The following CNTNAP2 variants were observed in gnomAD, a reference collection of about 807,000 sequenced individuals.
The protein encoded by CNTNAP2 is contactin associated protein 2, also known as contactin-associated protein-like 2.
Under a neutral mutation model 155.2 loss-of-function variants are expected in CNTNAP2, and 98 were observed. The ratio of observed to expected loss-of-function variants is 0.63; its 90% CI spans 0.54 to 0.75. The LOEUF (loss-of-function observed/expected upper bound fraction) is 0.75. CNTNAP2 is among the 30% of genes least tolerant of loss of function. The pLI is 0.00. For missense variants in CNTNAP2, 1,727 were observed against 1,688.1 expected (o/e 1.02, Z -0.40); for synonymous variants, 651 against 631.2 (o/e 1.03, Z -0.47).
chr7:146,710,296 T>C (rs759177844), intron 1 of CNTNAP2, among the ~76,000 whole-genome samples: 25 of 152,184 alleles, frequency 1.6e-4, no homozygotes, highest in Non-Finnish European at 2.9e-4. Flanking sequence ...AAGGGAACTG[T>C]AGTGTTGCTG....
chr7:147,329,406 T>C (rs148412854), intron 9 of CNTNAP2, among the ~76,000 whole-genome samples: 3 of 152,078 alleles, frequency 2.0e-5, no homozygotes, highest in African/African-American at 7.2e-5. Flanking sequence ...TACATTCTTA[T>C]AATTTATAAG....
chr7:148,243,199 T>C (rs1056479928), intron 20 of CNTNAP2, among the ~76,000 whole-genome samples: 1 of 152,140 alleles, frequency 6.6e-6, no homozygotes, highest in African/African-American at 2.4e-5. Context: ...ACTCCACCGA[T>C]CTGACTCCTG....
intron 12 of CNTNAP2, among the ~76,000 whole-genome samples, chr7:147,609,463 G>A (rs775419985): frequency 3.3e-5 from 5 of 152,010 alleles, no homozygotes; most frequent in Non-Finnish European, 5.9e-5. Flanking sequence ...CCTGGGAGGC[G>A]GAACTTGCAG....
intron 12 of CNTNAP2, among the ~76,000 whole-genome samples, chr7:147,591,505 T>A (rs1285991233): frequency 6.6e-6 from 1 of 152,140 alleles, no homozygotes; most frequent in East Asian, 1.9e-4. Context: ...GACTTCCACA[T>A]ATAAATTTTG....
At chr7:148,127,165 C>T (rs1013003655) in intron 16 of CNTNAP2, among the ~76,000 whole-genome samples, 12 of 152,028 alleles carry the variant, frequency 7.9e-5, no homozygotes, top group African/African-American at 2.9e-4. Context: ...ATTAGCTGGG[C>T]GTGGTGGCAC....
At chr7:146,940,707 A>T (rs550808666) in intron 3 of CNTNAP2, among the ~76,000 whole-genome samples, 12 of 151,838 alleles carry the variant, frequency 7.9e-5, no homozygotes, top group Middle Eastern at 3.4e-3. Context: ...ACACACACAC[A>T]CACACACACA....
At position 147,252,973 on chromosome 7, in the gene CNTNAP2, C is replaced by A. The variant is rs558295317; in HGVS notation, c.1349-47168C>A. Among the ~76,000 whole-genome samples the A allele has an allele frequency of 3.9e-5, 6 of 152,266 alleles. No individual in the cohort carries two copies. In the South Asian group the frequency reaches 1.0e-3, roughly 26 times the overall value. ...TGCCTCTTGTGTTCAACAAACAATT[C>A]ACTAGTTGATATCCTGTCATTCCAC... On this transcript the variant is annotated intron_variant, in intron 8 of 23. Transcript: ENST00000361727.
chr7:147,133,483 A>G (rs10266913), intron 8 of CNTNAP2, among the ~76,000 whole-genome samples: 60,248 of 151,712 alleles, frequency 0.4, 12,937 homozygotes, highest in East Asian at 0.64. Context: ...CCCTATGCAT[A>G]TACCTGACAC....
intron 16 of CNTNAP2, among the ~76,000 whole-genome samples, chr7:148,123,235 A>C (rs2116616597): frequency 6.6e-6 from 1 of 152,294 alleles, no homozygotes; most frequent in Non-Finnish European, 1.5e-5. Flanking sequence ...ATTGCCCAAA[A>C]CAAATGTGTA....
intron 10 of CNTNAP2, among the ~76,000 whole-genome samples, chr7:147,482,222 A>C (rs1427979180): frequency 1.3e-5 from 2 of 152,188 alleles, no homozygotes; most frequent in South Asian, 4.1e-4. Flanking sequence ...AGTTCTGTGG[A>C]AATACAGAAG....
In CNTNAP2 at chr7:147,462,144, C is replaced by T. The variant is rs557923530; in HGVS notation, c.1671-23791C>T. Reference sequence around the variant, plus strand: ...ATCCACCCTGCAAACTCAGCTCAAGCACCACATCTAAAGAGATTCCAGAAG... The same window carrying T: ...ATCCACCCTGCAAACTCAGCTCAAGTACCACATCTAAAGAGATTCCAGAAG... On this transcript the variant is annotated intron_variant, in intron 10 of 23. Transcript: ENST00000361727. 5.9e-5 allele frequency among the ~76,000 whole-genome samples: 9 copies of T among 152,242 alleles called. No homozygotes were observed. In the East Asian group the frequency reaches 1.4e-3, roughly 23 times the overall value.
At chr7:147,247,673 T>C (rs1804096689) in intron 8 of CNTNAP2, among the ~76,000 whole-genome samples, 1 of 152,154 alleles carries the variant, frequency 6.6e-6, no homozygotes, top group Non-Finnish European at 1.5e-5. Flanking sequence ...AAAATCTGAG[T>C]CCTTTAAAAG....
At chr7:148,032,094 G>A (rs988907432) in intron 15 of CNTNAP2, among the ~76,000 whole-genome samples, 1 of 152,136 alleles carries the variant, frequency 6.6e-6, no homozygotes, top group Admixed American at 6.6e-5. Context: ...GAATTAATGT[G>A]CCTCCCTAAA....
chr7:146,326,717 T>A (rs1218776221), intron 1 of CNTNAP2, among the ~76,000 whole-genome samples: 1 of 152,178 alleles, frequency 6.6e-6, no homozygotes, highest in Non-Finnish European at 1.5e-5. Flanking sequence ...GACTTTTTAT[T>A]TTAAATTATG....
chr7:147,899,306 C>T lies in CNTNAP2; in HGVS notation c.2099-4259C>T, dbSNP rs796366953. On this transcript the variant is annotated intron_variant, in intron 13 of 23. Transcript: ENST00000361727. ...AGTGAGTTATGATTGCTCCACTGCA[C>T]TCCAGCCTGGGTGACAGAGTGAGAC... 5.9e-5 allele frequency among the ~76,000 whole-genome samples: 9 copies of T among 152,240 alleles called. 1 individual carries two copies. The highest frequency in any genetic ancestry group is 2.2e-4 in the African/African-American group (9 of 41,530).
intron 1 of CNTNAP2, among the ~76,000 whole-genome samples, chr7:146,349,742 G>T (rs1449112934): frequency 6.6e-6 from 1 of 151,994 alleles, no homozygotes; most frequent in Non-Finnish European, 1.5e-5. Flanking sequence ...TAGTTTGGCT[G>T]GATATGAAAT....
intron 3 of CNTNAP2, among the ~76,000 whole-genome samples, chr7:146,945,218 C>T (rs1797138773): frequency 6.6e-6 from 1 of 152,176 alleles, no homozygotes; most frequent in Non-Finnish European, 1.5e-5. Flanking sequence ...ACATCTGTAT[C>T]ACTGCTTAGC....
chr7:147,236,661 C>A (rs1222285960), intron 8 of CNTNAP2, among the ~76,000 whole-genome samples: 1 of 151,424 alleles, frequency 6.6e-6, no homozygotes, highest in Admixed American at 6.6e-5. Context: ...AAAGAAATTT[C>A]TATTTTATTC....
At chr7:146,421,304 T>C (rs1340419604) in intron 1 of CNTNAP2, among the ~76,000 whole-genome samples, 1 of 152,064 alleles carries the variant, frequency 6.6e-6, no homozygotes, top group African/African-American at 2.4e-5. Flanking sequence ...AATTGTTTTA[T>C]TTAAATGCAT....
Sources: gnomAD v4.1 joint callset for allele counts (sites outside exome capture counted in the v4.1 genomes callset) on GRCh38, gnomAD v4.1.1 for gene constraint, MANE v1.5 for transcripts, NCBI Gene and HGNC (gene_info 2026-07-23, HGNC 2026-07-21) for gene names.